IL1RAPL2: variants seen among roughly 807,000 people sequenced by gnomAD.
IL1RAPL2 encodes the protein X-linked interleukin-1 receptor accessory protein-like 2.
In IL1RAPL2, 3 loss-of-function variants were observed where a neutral mutation model predicts 44.1. The ratio of observed to expected loss-of-function variants is 0.07; its 90% CI spans 0.03 to 0.18. The LOEUF is 0.18. IL1RAPL2 is among the 10% of genes least tolerant of loss of function. The pLI, the probability that IL1RAPL2 is intolerant of heterozygous loss-of-function variation, is 1.00. For missense variants in IL1RAPL2, 391 were observed against 496.4 expected, an observed-to-expected ratio of 0.79 and a Z score of 2.02; for synonymous variants, 181 against 178.8, an observed-to-expected ratio of 1.01 and a Z score of -0.10.
chrX:105,377,651 C>T (rs1198858127), intron 5 of IL1RAPL2, among the ~76,000 whole-genome samples: 2 of 111,317 alleles, frequency 1.8e-5, no homozygotes, highest in South Asian at 3.7e-4. Context: ...AAAGTTTCTG[C>T]CCATACATAT....
Position 104,669,260 on chromosome X carries a change from C to T in IL1RAPL2, c.82+10265C>T, listed in dbSNP as rs1487077664. Among the ~76,000 whole-genome samples, 4 of 111,629 alleles carry T rather than the reference C, an allele frequency of 3.6e-5. No homozygotes were observed. The East Asian group carries it at 1.1e-3, about 32-fold the overall frequency. ...ATCTTTAAACCAATCCAGACTGATACACTGAAACACTACTGAGCATTCGGT... is the reference window on the plus strand; with the variant it reads ...ATCTTTAAACCAATCCAGACTGATATACTGAAACACTACTGAGCATTCGGT... On this transcript the variant is annotated intron_variant, in intron 2 of 10. Transcript: ENST00000372582.
At chrX:104,780,234 C>T (rs1408789346) in intron 2 of IL1RAPL2, among the ~76,000 whole-genome samples, 2 of 111,279 alleles carry the variant, frequency 1.8e-5, no homozygotes, top group Non-Finnish European at 3.8e-5. Context: ...AATTGCTTAC[C>T]TTATGTTATT....
chrX:105,242,449 A>C (rs904596980), intron 4 of IL1RAPL2, among the ~76,000 whole-genome samples: 1 of 111,748 alleles, frequency 8.9e-6, no homozygotes. Flanking sequence ...ACAGAAGAAA[A>C]TCCATTACTT....
chrX:105,390,615 A>C (rs948482737), intron 5 of IL1RAPL2, among the ~76,000 whole-genome samples: 2 of 110,752 alleles, frequency 1.8e-5, no homozygotes, highest in East Asian at 5.7e-4. Context: ...CAAAGCATAG[A>C]GATATTGCTT....
intron 2 of IL1RAPL2, among the ~76,000 whole-genome samples, chrX:104,790,895 C>T (rs923053102): frequency 9.0e-6 from 1 of 111,594 alleles, no homozygotes; most frequent in African/African-American, 3.3e-5. Context: ...ACTCCAGCAC[C>T]ACTGTGTGAA....
intron 5 of IL1RAPL2, among the ~76,000 whole-genome samples, chrX:105,482,594 T>C (rs1002951831): frequency 1.8e-5 from 2 of 111,882 alleles, no homozygotes; most frequent in African/African-American, 3.2e-5. Flanking sequence ...CCTAAGTATA[T>C]TTCTGGTGCA....
intron 1 of IL1RAPL2, among the ~76,000 whole-genome samples, chrX:104,589,973 A>G (rs1447905716): frequency 8.9e-6 from 1 of 112,109 alleles, no homozygotes; most frequent in African/African-American, 3.2e-5. Context: ...GACAATAGGA[A>G]GAAAAGAAAA....
intron 3 of IL1RAPL2, among the ~76,000 whole-genome samples, chrX:105,199,178 T>C (rs2147614034): frequency 9.0e-6 from 1 of 111,300 alleles, no homozygotes; most frequent in Non-Finnish European, 1.9e-5. Flanking sequence ...TTTTTATTTA[T>C]ATTATACACC....
At chrX:104,710,386 T>C (rs1449567565) in intron 2 of IL1RAPL2, among the ~76,000 whole-genome samples, 4 of 111,552 alleles carry the variant, frequency 3.6e-5, no homozygotes, top group South Asian at 7.4e-4. Context: ...AGGCTACATA[T>C]TGTGTAATCC....
At chrX:104,997,806 A>AAGAT (rs202216274) in intron 2 of IL1RAPL2, among the ~76,000 whole-genome samples, 1,726 of 111,485 alleles carry the variant, frequency 0.015, 32 homozygotes, top group African/African-American at 0.053. Flanking sequence ...TAAGATGAAA[A>AAGAT]AGAGAGGAGA....
At chrX:104,602,009 T>C (rs961723849) in intron 1 of IL1RAPL2, among the ~76,000 whole-genome samples, 1 of 111,801 alleles carries the variant, frequency 8.9e-6, no homozygotes, top group African/African-American at 3.3e-5. Flanking sequence ...CAACAGTAGA[T>C]TGGATAAAGA....
intron 2 of IL1RAPL2, among the ~76,000 whole-genome samples, chrX:104,702,034 A>G (rs1301474829): frequency 9.0e-6 from 1 of 111,486 alleles, no homozygotes. Context: ...TATTCTGTCT[A>G]TAAATTATGC....
At chrX:105,218,822 G>T in intron 3 of IL1RAPL2, 2 of 523,349 alleles carry the variant, frequency 3.8e-6, no homozygotes, top group Non-Finnish European at 6.4e-6. Context: ...ATTCGTAAAG[G>T]TACCATTGTC....
intron 2 of IL1RAPL2, among the ~76,000 whole-genome samples, chrX:104,926,790 C>T (rs1215182248): frequency 1.8e-5 from 2 of 111,467 alleles, no homozygotes; most frequent in Non-Finnish European, 3.8e-5. Flanking sequence ...TTCCACTGCT[C>T]AGGGTTCTTT....
chrX:105,353,165 A>C (rs1193958176), intron 5 of IL1RAPL2, among the ~76,000 whole-genome samples: 3 of 111,777 alleles, frequency 2.7e-5, no homozygotes, highest in Admixed American at 9.6e-5. Flanking sequence ...GCCAGTTTTC[A>C]AGCACCATTT....
chrX:104,815,388 C>T (rs957541942), intron 2 of IL1RAPL2, among the ~76,000 whole-genome samples: 1 of 110,652 alleles, frequency 9.0e-6, no homozygotes, highest in Non-Finnish European at 1.9e-5. Flanking sequence ...CTTGAGGGTG[C>T]CTGAATTCCT....
chrX:105,505,155 C>T (rs780259214), intron 6 of IL1RAPL2, among the ~76,000 whole-genome samples: 11 of 110,918 alleles, frequency 9.9e-5, no homozygotes, highest in South Asian at 7.6e-4. Flanking sequence ...CACTAATCTC[C>T]GTAAATTTTA....
At chrX:105,123,120 G>A (rs1343244223) in intron 2 of IL1RAPL2, among the ~76,000 whole-genome samples, 1 of 110,933 alleles carries the variant, frequency 9.0e-6, no homozygotes, top group African/African-American at 3.3e-5. Flanking sequence ...TGGTGAAAAG[G>A]ATATAGGATT....
intron 5 of IL1RAPL2, among the ~76,000 whole-genome samples, chrX:105,274,834 A>T (rs988494126): frequency 4.6e-5 from 5 of 108,623 alleles, no homozygotes; most frequent in African/African-American, 1.8e-4. Context: ...CTGCCAGGTC[A>T]AAGTTAAACA....
Sources: allele counts gnomAD v4.1 joint callset (sites outside exome capture counted in the v4.1 genomes callset), GRCh38; gene constraint gnomAD v4.1.1; transcripts MANE v1.5; gene names NCBI Gene and HGNC (gene_info 2026-07-23, HGNC 2026-07-21).